Variants in SPRR2G observed in about 807,000 individuals in gnomAD.
SPRR2G encodes the protein small proline rich protein 2G.
SPRR2G carries 1 observed loss-of-function variant against 0.7 expected under a neutral mutation model. The observed-to-expected ratio is 1.49, with a 90% CI of 0.53 to 7.06. The LOEUF (loss-of-function observed/expected upper bound fraction) is 7.06. Ranked by LOEUF, SPRR2G falls within the 30% of genes most tolerant of loss-of-function variation. SPRR2G has a pLI of 0.14. For synonymous variants in SPRR2G, 38 were observed against 33.9 expected, an observed-to-expected ratio of 1.12 and a Z score of -0.42; for missense variants, 96 against 88.5, an observed-to-expected ratio of 1.09 and a Z score of -0.34.
At chr1:153,166,492 T>C in the SPRR2G span, among the ~76,000 whole-genome samples, 1 of 152,110 alleles carries the variant, frequency 6.6e-6, no homozygotes, top group Non-Finnish European at 1.5e-5. Context: ...CAAGGAAGTG[T>C]TCCTAATATC....
At chr1:153,174,436 A>G in the SPRR2G span, 1 of 152,204 alleles carries the variant, frequency 6.6e-6, no homozygotes, top group Admixed American at 6.6e-5. Flanking sequence ...CCTGGTGAGG[A>G]AGTTCTACTG....
chr1:153,161,792 C>T, the SPRR2G span, among the ~76,000 whole-genome samples: 1 of 152,166 alleles, frequency 6.6e-6, no homozygotes, highest in Non-Finnish European at 1.5e-5. Context: ...ACAAAGACTA[C>T]TCTAGAATTA....
At chr1:153,192,716 C>T in the SPRR2G span, among the ~76,000 whole-genome samples, 1 of 152,198 alleles carries the variant, frequency 6.6e-6, no homozygotes, top group African/African-American at 2.4e-5. Context: ...TTCTCAAGCT[C>T]TTTGCATTGT....
the SPRR2G span, among the ~76,000 whole-genome samples, chr1:153,193,204 C>T: frequency 6.6e-6 from 1 of 152,100 alleles, no homozygotes; most frequent in African/African-American, 2.4e-5. Context: ...GAGACAGAAT[C>T]CCCTCTACAT....
the SPRR2G span, among the ~76,000 whole-genome samples, chr1:153,183,081 G>C: frequency 7.3e-6 from 1 of 136,944 alleles, no homozygotes; most frequent in Non-Finnish European, 1.6e-5. Flanking sequence ...TTTTTTTTTT[G>C]GGTGGGGACA....
chr1:153,200,639 G>A, the SPRR2G span, among the ~76,000 whole-genome samples: 7 of 151,946 alleles, frequency 4.6e-5, no homozygotes, highest in Non-Finnish European at 8.8e-5. Context: ...TGAAGGAATC[G>A]AGACCTGGAT....
chr1:153,149,896 C>T lies in SPRR2G; in HGVS notation c.215G>A (p.Ser72Asn), dbSNP rs115813527. 4.7e-5 allele frequency: 76 copies of T among 1,614,064 alleles called. No homozygotes were observed. In the East Asian group the frequency reaches 1.7e-3, roughly 35 times the overall value. ...PPCQQKYPPK[S>N]K ...TGATGAATTCTAGTGATGTTACTTG[C>T]TCTTGGGTGGATACTTCTGCTGGCA... Residue 72 changes from serine to asparagine, a missense_variant, in exon 2 of 2, where the codon AGC (serine) becomes AAC (asparagine). Transcript: ENST00000368748.
intron 1 of SPRR2G, 97 bp from the exon 2 acceptor site, chr1:153,150,228 T>G: frequency 6.6e-7 from 1 of 1,508,030 alleles, no homozygotes; most frequent in Non-Finnish European, 8.9e-7. Context: ...AGGGACCAAC[T>G]TTGATCCCTA....
At chr1:153,171,389 C>G in the SPRR2G span, among the ~76,000 whole-genome samples, 3 of 152,160 alleles carry the variant, frequency 2.0e-5, no homozygotes, top group Non-Finnish European at 4.4e-5. Context: ...ACTACAGGAG[C>G]CTTTACACCC....
the SPRR2G span, among the ~76,000 whole-genome samples, chr1:153,164,201 A>T: frequency 7.7e-3 from 1,171 of 152,362 alleles, 13 homozygotes; most frequent in African/African-American, 0.027. Flanking sequence ...TTCACAACCC[A>T]AAGAACAATG....
chr1:153,150,173 C>G, intron 1 of SPRR2G, 42 bp from the exon 2 acceptor site: 1 of 1,603,032 alleles, frequency 6.2e-7, no homozygotes, highest in Middle Eastern at 2.3e-4. Context: ...GAGAGACAGT[C>G]CTGTTGGTGG....
the SPRR2G span, among the ~76,000 whole-genome samples, chr1:153,195,177 C>T: frequency 6.6e-6 from 1 of 152,210 alleles, no homozygotes; most frequent in Non-Finnish European, 1.5e-5. Flanking sequence ...AGAGGCTCTT[C>T]TGAAGCCTCC....
the SPRR2G span, chr1:153,174,452 G>A: frequency 6.6e-6 from 1 of 152,218 alleles, no homozygotes; most frequent in African/African-American, 2.4e-5. Context: ...TACTGCCACA[G>A]CGACTGCTCC....
chr1:153,179,224 A>G, the SPRR2G span, among the ~76,000 whole-genome samples: 2 of 152,100 alleles, frequency 1.3e-5, no homozygotes, highest in Admixed American at 1.3e-4. Context: ...ATAAACTAGG[A>G]TTTTCTCCCT....
Position 153,150,309 on chromosome 1 carries a change from G to A in SPRR2G, c.-21-178C>T, listed in dbSNP as rs79108501. Among the ~76,000 whole-genome samples, 402 of 152,136 alleles carry A rather than the reference G, an allele frequency of 2.6e-3. 3 individuals are homozygous for A. The highest frequency in any genetic ancestry group is 0.01 in the East Asian group (53 of 5,176). On this transcript the variant is annotated intron_variant, in intron 1 of 1. Transcript: ENST00000368748. ...AGGACCTCTTACCCTCAGTTCTTCC[G>A]TCTTTCTGGCTGTTCTCTCATTCTA... is the stretch of plus-strand genomic sequence containing the variant.
At chr1:153,162,167 C>T in the SPRR2G span, among the ~76,000 whole-genome samples, 1 of 152,302 alleles carries the variant, frequency 6.6e-6, no homozygotes, top group South Asian at 2.1e-4. Flanking sequence ...CCCACCTCCT[C>T]CCTCGGATAG....
chr1:153,185,121 G>C, the SPRR2G span, among the ~76,000 whole-genome samples: 751 of 152,204 alleles, frequency 4.9e-3, 5 homozygotes, highest in African/African-American at 0.017. Flanking sequence ...ATTTTATTGA[G>C]GATTTTCACA....
chr1:153,160,111 A>G, the SPRR2G span, among the ~76,000 whole-genome samples: 1 of 152,176 alleles, frequency 6.6e-6, no homozygotes, highest in African/African-American at 2.4e-5. Context: ...CTCTGCTTCC[A>G]TAGGTCTGGA....
the SPRR2G span, among the ~76,000 whole-genome samples, chr1:153,195,304 T>C: frequency 6.6e-6 from 1 of 152,220 alleles, no homozygotes; most frequent in African/African-American, 2.4e-5. Flanking sequence ...GATACCTTCA[T>C]AGACCAACAA....
Sources: gnomAD v4.1 joint callset for allele counts (sites outside exome capture counted in the v4.1 genomes callset) on GRCh38, gnomAD v4.1.1 for gene constraint, MANE v1.5 for transcripts, NCBI Gene and HGNC (gene_info 2026-07-23, HGNC 2026-07-21) for gene names.